SMYD3: variants seen among roughly 807,000 people sequenced by gnomAD.
SMYD3 encodes histone-lysine N-methyltransferase SMYD3.
A neutral mutation model predicts 57.7 loss-of-function variants in SMYD3; 36 were observed. The observed-to-expected ratio is 0.62, with a 90% CI of 0.48 to 0.82. The LOEUF (loss-of-function observed/expected upper bound fraction) is 0.82. SMYD3 is among the 40% of genes least tolerant of loss of function. SMYD3 has a pLI of 0.00. For synonymous variants in SMYD3, 211 were observed against 195.0 expected (o/e 1.08, Z -0.68); for missense variants, 515 against 538.8 (o/e 0.96, Z 0.44).
chr1:246,345,706 A>G (rs2065703319), intron 2 of SMYD3, among the ~76,000 whole-genome samples: 1 of 152,180 alleles, frequency 6.6e-6, no homozygotes, highest in Non-Finnish European at 1.5e-5. Context: ...CCTCCCAGGG[A>G]CAGCCAATTC....
At chr1:246,228,529 G>A (rs1214061596) in intron 5 of SMYD3, among the ~76,000 whole-genome samples, 1 of 152,082 alleles carries the variant, frequency 6.6e-6, no homozygotes, top group Non-Finnish European at 1.5e-5. Flanking sequence ...ACAGTTGATG[G>A]CACTTGACCT....
At position 246,419,019 on chromosome 1, in the gene SMYD3, C is replaced by A. The variant is rs2067103729; in HGVS notation, c.165-63925G>T. The stretch of plus-strand genomic sequence containing the variant: ...GATCAATTGACTTTGTGACAATACC[C>A]CCTCCCCGCCCTTGCGATAATGGAC... On this transcript the variant is annotated intron_variant, in intron 1 of 11. Transcript: ENST00000490107. Among the ~76,000 whole-genome samples the A allele has an allele frequency of 1.4e-5, 2 of 142,226 alleles. 1 individual carries two copies. Among genetic ancestry groups the A allele is most frequent in the South Asian group, 4.6e-4 (2 of 4,350 alleles). 93.3% of individuals were successfully genotyped at this position (142,226 alleles called of 152,430 possible). A position where few individuals can be genotyped will look rare whatever the true frequency, so the allele number is the denominator to read the frequency against.
intron 5 of SMYD3, among the ~76,000 whole-genome samples, chr1:246,291,563 T>A (rs1380365061): frequency 2.0e-5 from 3 of 152,202 alleles, no homozygotes; most frequent in Admixed American, 6.5e-5. Context: ...GGAAAGGAAG[T>A]GATTTGCCGT....
chr1:245,991,872 T>G (rs113650271), intron 5 of SMYD3, among the ~76,000 whole-genome samples: 2 of 1,248 alleles, frequency 1.6e-3, no homozygotes, highest in Admixed American at 8.2e-3. Context: ...ACACACCAAC[T>G]TACAACTGAA....
chr1:245,981,970 AC>A (rs1342586048), intron 5 of SMYD3, among the ~76,000 whole-genome samples: 7 of 152,104 alleles, frequency 4.6e-5, no homozygotes, highest in Non-Finnish European at 7.4e-5. Context: ...CTGGGTGCAG[AC>A]CCACGGTCAT....
intron 1 of SMYD3, among the ~76,000 whole-genome samples, chr1:246,460,189 A>G (rs984264226): frequency 6.6e-6 from 1 of 152,246 alleles, no homozygotes; most frequent in Non-Finnish European, 1.5e-5. Flanking sequence ...GACTGCCTTT[A>G]TTATATCCAA....
intron 5 of SMYD3, among the ~76,000 whole-genome samples, chr1:246,088,476 GA>G (rs1292434633): frequency 4.5e-5 from 6 of 132,558 alleles, no homozygotes; most frequent in African/African-American, 2.1e-4. Flanking sequence ...CGGGCGTGGT[GA>G]CAGGCGCCTG....
At chr1:246,216,302 C>T (rs10924561) in intron 5 of SMYD3, among the ~76,000 whole-genome samples, 12,659 of 146,250 alleles carry the variant, frequency 0.087, 831 homozygotes, top group East Asian at 0.22. Context: ...AAAAAAAAAA[C>T]TCATAAGCAG....
chr1:245,891,195 C>T (rs4654160), intron 8 of SMYD3, among the ~76,000 whole-genome samples: 151,921 of 152,304 alleles, frequency 1, 75,773 homozygotes, highest in Middle Eastern at 1. Flanking sequence ...ATTTACTGTA[C>T]ATTTAAAAAT....
intron 1 of SMYD3, among the ~76,000 whole-genome samples, chr1:246,448,630 C>T (rs1485029443): frequency 2.8e-5 from 4 of 143,828 alleles, no homozygotes; most frequent in Non-Finnish European, 6.0e-5. Flanking sequence ...CAACAATGCC[C>T]TTAAGAATTT....
chr1:245,849,425 G>C (rs915095951), intron 10 of SMYD3, among the ~76,000 whole-genome samples: 1 of 152,092 alleles, frequency 6.6e-6, no homozygotes, highest in Non-Finnish European at 1.5e-5. Context: ...GAGGGGGTTT[G>C]GGGGGCAGAT....
At chr1:246,325,041 CG>C (rs1179605523) in intron 5 of SMYD3, among the ~76,000 whole-genome samples, 1 of 13,328 alleles carries the variant, frequency 7.5e-5, no homozygotes, top group Non-Finnish European at 1.5e-4. Context: ...GAGAAGGAGT[CG>C]GGGGGCAGGA....
At chr1:245,998,980 T>C (rs2148140552) in intron 5 of SMYD3, among the ~76,000 whole-genome samples, 1 of 152,092 alleles carries the variant, frequency 6.6e-6, no homozygotes, top group East Asian at 1.9e-4. Context: ...ATTGGTGGTG[T>C]CCAGGGTTGA....
chr1:245,859,001 T>G (rs2051397022), intron 9 of SMYD3, among the ~76,000 whole-genome samples: 1 of 152,250 alleles, frequency 6.6e-6, no homozygotes, highest in Non-Finnish European at 1.5e-5. Flanking sequence ...TTTATTAAAT[T>G]GGACTAAAGA....
At chr1:246,244,141 A>G (rs1780808) in intron 5 of SMYD3, among the ~76,000 whole-genome samples, 40,373 of 151,690 alleles carry the variant, frequency 0.27, 6,065 homozygotes, top group East Asian at 0.58. Flanking sequence ...TCTTTTTACT[A>G]TACTCTAAAC....
At chr1:246,397,683 G>C (rs553399883) in intron 1 of SMYD3, among the ~76,000 whole-genome samples, 1 of 152,230 alleles carries the variant, frequency 6.6e-6, no homozygotes, top group African/African-American at 2.4e-5. Flanking sequence ...CAGCAGTGGA[G>C]AAAGAGGTTA....
chr1:246,494,436 T>C (rs2068325518), intron 1 of SMYD3, among the ~76,000 whole-genome samples: 1 of 152,226 alleles, frequency 6.6e-6, no homozygotes. Flanking sequence ...TAAACAATTA[T>C]GGGACCCTTA....
intron 5 of SMYD3, among the ~76,000 whole-genome samples, chr1:246,252,403 A>C (rs2063812424): frequency 6.6e-6 from 1 of 152,230 alleles, no homozygotes; most frequent in Non-Finnish European, 1.5e-5. Flanking sequence ...CTGTTATTAT[A>C]ACCATTTGAC....
At chr1:245,817,728 G>C (rs796736625) in intron 10 of SMYD3, among the ~76,000 whole-genome samples, 8,183 of 151,880 alleles carry the variant, frequency 0.054, 637 homozygotes, top group African/African-American at 0.19. Flanking sequence ...GAAAACCAAG[G>C]CTCGAGAACT....
Sources: allele counts gnomAD v4.1 joint callset (sites outside exome capture counted in the v4.1 genomes callset), GRCh38; gene constraint gnomAD v4.1.1; transcripts MANE v1.5; gene names NCBI Gene and HGNC (gene_info 2026-07-23, HGNC 2026-07-21).